The following MBNL2 variants were observed in gnomAD, a reference collection of about 807,000 sequenced individuals.
MBNL2 encodes muscleblind-like protein 2.
A neutral mutation model predicts 41.9 loss-of-function variants in MBNL2; 17 were observed. That is an observed-to-expected ratio of 0.41 (90% CI 0.28 to 0.61). The LOEUF is 0.61. Among genes scored for constraint, MBNL2 ranks in the 20% least tolerant of loss-of-function variants. MBNL2 has a pLI of 0.35. For synonymous variants in MBNL2, 195 were observed against 182.9 expected (o/e 1.07, Z -0.53); for missense variants, 336 against 505.6 (o/e 0.66, Z 3.22).
chr13:97,227,422 A>G (rs2041812070), intron 1 of MBNL2, among the ~76,000 whole-genome samples: 1 of 152,202 alleles, frequency 6.6e-6, no homozygotes, highest in Non-Finnish European at 1.5e-5. Flanking sequence ...AGGAAACAAG[A>G]TATTTACAAA....
intron 3 of MBNL2, among the ~76,000 whole-genome samples, chr13:97,335,563 C>T (rs1305993840): frequency 6.6e-6 from 1 of 152,044 alleles, no homozygotes; most frequent in Non-Finnish European, 1.5e-5. Context: ...ACAGAGTAGC[C>T]AGGAACCAGC....
intron 1 of MBNL2, among the ~76,000 whole-genome samples, chr13:97,270,086 C>T (rs753765593): frequency 5.3e-5 from 8 of 152,064 alleles, no homozygotes; most frequent in Non-Finnish European, 8.8e-5. Context: ...GGTTATGTGA[C>T]GAGATACCTT....
At chr13:97,362,407 T>C (rs909162964) in intron 7 of MBNL2, among the ~76,000 whole-genome samples, 10 of 151,898 alleles carry the variant, frequency 6.6e-5, no homozygotes, top group Admixed American at 2.6e-4. Context: ...AAAATAACAA[T>C]TGAGCATTTT....
intron 2 of MBNL2, among the ~76,000 whole-genome samples, chr13:97,310,597 T>C (rs1402315965): frequency 6.6e-6 from 1 of 151,628 alleles, no homozygotes; most frequent in Admixed American, 6.6e-5. Flanking sequence ...GCCTGGCTAA[T>C]TTTTTGTATT....
At chr13:97,185,710 C>T in the MBNL2 span, among the ~76,000 whole-genome samples, 4 of 152,178 alleles carry the variant, frequency 2.6e-5, no homozygotes, top group South Asian at 8.3e-4. Context: ...ACATGGGTCC[C>T]CCACACCTTG....
chr13:97,156,588 G>C, the MBNL2 span, among the ~76,000 whole-genome samples: 1 of 140,782 alleles, frequency 7.1e-6, no homozygotes, highest in East Asian at 2.2e-4. Flanking sequence ...TGTAAGGAAG[G>C]GATCCAGTTT....
At chr13:97,277,052 C>A (rs1594135145) in intron 2 of MBNL2, among the ~76,000 whole-genome samples, 1 of 152,088 alleles carries the variant, frequency 6.6e-6, no homozygotes, top group Non-Finnish European at 1.5e-5. Flanking sequence ...GGGACACATG[C>A]CTTGTGGGAG....
rs2066378647 is a variant in MBNL2, at chr13:97,391,210, G to C, written c.1049-112G>C. The C allele has an allele frequency of 1.3e-5, 8 of 634,040 alleles. No individual in the cohort carries two copies. In the East Asian group the frequency reaches 2.2e-4, roughly 17 times the overall value. The allele number at this position is 634,040 out of a possible 1,614,324, so 39.3% of individuals were successfully genotyped here. On this transcript the variant is annotated intron_variant, in intron 8 of 8. Transcript: ENST00000679496. The stretch of plus-strand genomic sequence containing the variant: ...TTATAATTGCATCAAAATAATGAGA[G>C]ATTGAAGAAAACTCTGATTTTCAAA...
intron 2 of MBNL2, among the ~76,000 whole-genome samples, chr13:97,300,955 A>G (rs925912934): frequency 3.9e-5 from 6 of 152,252 alleles, no homozygotes; most frequent in Admixed American, 3.9e-4. Context: ...TGTCATTGAC[A>G]CCAGCTGTCC....
the MBNL2 span, among the ~76,000 whole-genome samples, chr13:97,145,286 C>T: frequency 1.3e-5 from 2 of 151,762 alleles, no homozygotes; most frequent in African/African-American, 4.8e-5. Context: ...CCTGACTGAT[C>T]CTGAAGGAGC....
At chr13:97,306,344 G>T (rs575021752) in intron 2 of MBNL2, among the ~76,000 whole-genome samples, 2 of 152,308 alleles carry the variant, frequency 1.3e-5, no homozygotes, top group South Asian at 4.1e-4. Flanking sequence ...CATTTTTGCA[G>T]CCCTTCATTT....
chr13:97,390,371 C>T (rs1209210893), intron 8 of MBNL2, among the ~76,000 whole-genome samples: 3 of 152,130 alleles, frequency 2.0e-5, no homozygotes, highest in South Asian at 4.1e-4. Flanking sequence ...GGAATTGAAT[C>T]CTAGTGTGCA....
chr13:97,357,192 T>G (rs962724724), intron 6 of MBNL2, among the ~76,000 whole-genome samples: 2 of 152,222 alleles, frequency 1.3e-5, no homozygotes, highest in African/African-American at 4.8e-5. Flanking sequence ...CCCCTTAGAA[T>G]AGTTTAACTC....
the MBNL2 span, among the ~76,000 whole-genome samples, chr13:97,193,385 A>G: frequency 1.3e-5 from 2 of 152,198 alleles, no homozygotes; most frequent in Admixed American, 1.3e-4. Context: ...AGAACACTGA[A>G]AAGTATGTTT....
At chr13:97,236,800 G>A (rs987860572) in intron 1 of MBNL2, among the ~76,000 whole-genome samples, 1 of 152,164 alleles carries the variant, frequency 6.6e-6, no homozygotes, top group Non-Finnish European at 1.5e-5. Context: ...GAAAGGAAAT[G>A]ATCAGTGCTA....
At chr13:97,211,722 A>G in the MBNL2 span, among the ~76,000 whole-genome samples, 2 of 152,230 alleles carry the variant, frequency 1.3e-5, no homozygotes, top group Admixed American at 6.5e-5. Context: ...TATACCCATG[A>G]CATGATCCCT....
the MBNL2 span, among the ~76,000 whole-genome samples, chr13:97,175,420 C>T: frequency 1.3e-5 from 2 of 152,114 alleles, no homozygotes; most frequent in Non-Finnish European, 2.9e-5. Flanking sequence ...TCCAGGAAAA[C>T]GGGTGCAAAG....
chr13:97,308,185 G>A (rs1161195886), intron 2 of MBNL2, among the ~76,000 whole-genome samples: 2 of 152,212 alleles, frequency 1.3e-5, no homozygotes, highest in African/African-American at 2.4e-5. Flanking sequence ...GTTCACAGAG[G>A]CCCCACACAT....
chr13:97,162,127 C>A, the MBNL2 span, among the ~76,000 whole-genome samples: 1 of 152,036 alleles, frequency 6.6e-6, no homozygotes, highest in Non-Finnish European at 1.5e-5. Flanking sequence ...TTTTAAATAA[C>A]CAGATCTCAT....
Sources: gnomAD v4.1 joint callset for allele counts (sites outside exome capture counted in the v4.1 genomes callset) on GRCh38, gnomAD v4.1.1 for gene constraint, MANE v1.5 for transcripts, NCBI Gene and HGNC (gene_info 2026-07-23, HGNC 2026-07-21) for gene names.